RORA: variants seen among roughly 807,000 people sequenced by gnomAD.
RORA encodes the protein RAR related orphan receptor A.
RORA carries 7 observed loss-of-function variants against 69.5 expected under a neutral mutation model. The observed-to-expected ratio is 0.10, with a 90% CI of 0.06 to 0.19. The LOEUF (loss-of-function observed/expected upper bound fraction) is 0.19. Ranked by LOEUF, RORA falls within the 10% of genes least tolerant of loss-of-function variation. RORA has a pLI of 1.00. For missense variants in RORA, 457 were observed against 663.0 expected (o/e 0.69, Z 3.41); for synonymous variants, 261 against 240.8 (o/e 1.08, Z -0.78).
chr15:60,999,310 C>A (rs1894670933), intron 1 of RORA, among the ~76,000 whole-genome samples: 1 of 152,026 alleles, frequency 6.6e-6, no homozygotes, highest in South Asian at 2.1e-4. Flanking sequence ...TCCATTTGAA[C>A]ATGGGGTTCT....
rs150954928 is a variant in RORA, at chr15:60,511,900, T to C, written c.425-279A>G. 103 of 367,858 alleles carry C rather than the reference T, an allele frequency of 2.8e-4. No individual in the cohort carries two copies. The highest frequency in any genetic ancestry group is 1.9e-3 in the African/African-American group (89 of 47,828). 22.8% of individuals were successfully genotyped at this position (367,858 alleles called of 1,614,324 possible). A position where few individuals can be genotyped will look rare whatever the true frequency, so the allele number is the denominator to read the frequency against. ...AGAGATGCCACTTCTGTTTCCCTGC[T>C]GTCACATCCCCCGTTTCCACTGCGC... On this transcript the variant is annotated intron_variant, in intron 4 of 10. Transcript: ENST00000335670. The surrounding 1 kb of genome is among the most constrained non-coding windows in gnomAD (Gnocchi z 6.4).
intron 1 of RORA, among the ~76,000 whole-genome samples, chr15:60,949,375 G>C (rs1893009348): frequency 6.6e-6 from 1 of 152,142 alleles, no homozygotes; most frequent in Admixed American, 6.5e-5. Flanking sequence ...TCAATATGGA[G>C]CTAAAGTGGA....
intron 2 of RORA, among the ~76,000 whole-genome samples, chr15:60,597,713 A>G (rs2068728955): frequency 6.9e-6 from 1 of 145,214 alleles, no homozygotes; most frequent in African/African-American, 2.5e-5. Context: ...GGATAGTTTC[A>G]CACTTGTCAT....
At chr15:60,805,806 A>AT (rs1724323390) in intron 1 of RORA, among the ~76,000 whole-genome samples, 1 of 152,174 alleles carries the variant, frequency 6.6e-6, no homozygotes, top group South Asian at 2.1e-4. Context: ...TCAGTTTCCA[A>AT]TTCTGCCAAC....
At chr15:60,579,627 T>C (rs2068133133) in intron 2 of RORA, among the ~76,000 whole-genome samples, 1 of 152,200 alleles carries the variant, frequency 6.6e-6, no homozygotes, top group Admixed American at 6.5e-5. Context: ...ATAGGAAATA[T>C]GACATGCTCA....
chr15:60,707,315 A>G (rs961657314), intron 1 of RORA, among the ~76,000 whole-genome samples: 1 of 150,878 alleles, frequency 6.6e-6, no homozygotes, highest in African/African-American at 2.4e-5. Flanking sequence ...TTAAGCATCC[A>G]TGGTCATCTA....
chr15:60,929,164 A>G (rs1892301668), intron 1 of RORA, among the ~76,000 whole-genome samples: 1 of 152,172 alleles, frequency 6.6e-6, no homozygotes, highest in South Asian at 2.1e-4. Context: ...GGTGTCAACA[A>G]AGAGGGTAAT....
At chr15:61,077,321 T>C (rs184811572) in intron 1 of RORA, among the ~76,000 whole-genome samples, 2 of 152,258 alleles carry the variant, frequency 1.3e-5, no homozygotes, top group Admixed American at 6.5e-5. Context: ...CCCTACCGGA[T>C]TCAGGCTCCT....
At chr15:60,943,078 T>A (rs538891238) in intron 1 of RORA, among the ~76,000 whole-genome samples, 2 of 152,368 alleles carry the variant, frequency 1.3e-5, no homozygotes, top group African/African-American at 4.8e-5. Flanking sequence ...AGGGTACCTG[T>A]ATCCATCTTT....
chr15:60,782,479 C>A (rs572659149), intron 1 of RORA, among the ~76,000 whole-genome samples: 3 of 152,286 alleles, frequency 2.0e-5, no homozygotes, highest in Admixed American at 1.3e-4. Context: ...TCTCCTTTCA[C>A]GATCTTTATT....
intron 1 of RORA, among the ~76,000 whole-genome samples, chr15:61,099,860 C>T (rs911077442): frequency 3.9e-5 from 6 of 152,174 alleles, no homozygotes; most frequent in African/African-American, 7.2e-5. Flanking sequence ...GAATGAAATT[C>T]GTTTGTAGGA....
chr15:60,736,775 G>T (rs1190047090), intron 1 of RORA: 4 of 152,070 alleles, frequency 2.6e-5, no homozygotes, highest in Non-Finnish European at 4.4e-5. Context: ...AGGCATCTAC[G>T]GCCATACCTC....
chr15:60,706,219 G>A (rs2071060881), intron 1 of RORA: 1 of 152,206 alleles, frequency 6.6e-6, no homozygotes, highest in African/African-American at 2.4e-5. Context: ...GCCAGTGAAA[G>A]AACCCACATT....
chr15:60,514,890 G>A (rs1318340796), intron 3 of RORA, 133 bp from the exon 4 acceptor site: 2 of 635,788 alleles, frequency 3.1e-6, no homozygotes, highest in African/African-American at 1.9e-5. Flanking sequence ...TCATCCAGGA[G>A]ACCATTAATG....
intron 2 of RORA, among the ~76,000 whole-genome samples, chr15:60,646,275 ACT>A (rs1240703255): frequency 6.6e-6 from 1 of 152,052 alleles, no homozygotes; most frequent in East Asian, 1.9e-4. Context: ...CAACTCGCAA[ACT>A]CTTAATTCAT....
At chr15:60,583,128 T>C (rs2068238529) in intron 2 of RORA, among the ~76,000 whole-genome samples, 1 of 152,184 alleles carries the variant, frequency 6.6e-6, no homozygotes, top group African/African-American at 2.4e-5. Context: ...GGTGTCGCAG[T>C]GTGGAAGCAG....
chr15:60,925,677 A>G (rs1042735457), intron 1 of RORA, among the ~76,000 whole-genome samples: 3 of 152,202 alleles, frequency 2.0e-5, no homozygotes, highest in African/African-American at 7.2e-5. Flanking sequence ...GCGGCTGAGC[A>G]CTTTGCCTTT....
At chr15:60,717,175 C>T (rs1427804403) in intron 1 of RORA, among the ~76,000 whole-genome samples, 1 of 152,144 alleles carries the variant, frequency 6.6e-6, no homozygotes, top group East Asian at 1.9e-4. Flanking sequence ...GTGTCTGTTA[C>T]TTGGTGTGTG....
Position 61,084,825 on chromosome 15 carries a change from CTT to C in RORA, c.166+144226_166+144227del, listed in dbSNP as rs34566111. 6.5e-3 allele frequency among the ~76,000 whole-genome samples: 902 copies of C among 138,728 alleles called. 8 individuals are homozygous for C. Among genetic ancestry groups the C allele is most frequent in the African/African-American group, 0.02 (753 of 37,060 alleles). The allele number at this position is 138,728 out of a possible 152,430, so 91.0% of individuals were successfully genotyped here. On this transcript the variant is annotated intron_variant, in intron 1 of 10. Coordinates refer to ENST00000335670, the MANE Select transcript of RORA (RefSeq NM_134261.3). ...TCAGGCCCTTTCAGTTCTACCCATC[CTT>C]TTTTTTTTTTTTTTTCTTTCCTATG...
Sources: allele counts gnomAD v4.1 joint callset (sites outside exome capture counted in the v4.1 genomes callset), GRCh38; gene constraint gnomAD v4.1.1; non-coding constraint Gnocchi (gnomAD v3.1); transcripts MANE v1.5; gene names NCBI Gene and HGNC (gene_info 2026-07-23, HGNC 2026-07-21).